The following WDFY4 variants were observed in gnomAD, a reference collection of about 807,000 sequenced individuals.
WDFY4 encodes the protein WD repeat- and FYVE domain-containing protein 4.
In WDFY4, 169 loss-of-function variants were observed where a neutral mutation model predicts 351.9. The observed-to-expected ratio is 0.48, with a 90% CI of 0.42 to 0.55. The LOEUF (loss-of-function observed/expected upper bound fraction) is 0.55. Ranked by LOEUF, WDFY4 falls within the 20% of genes least tolerant of loss-of-function variation. The pLI is 0.00. For synonymous variants in WDFY4, 1,622 were observed against 1,574.6 expected, an observed-to-expected ratio of 1.03 and a Z score of -0.71; for missense variants, 3,803 against 3,935.6, an observed-to-expected ratio of 0.97 and a Z score of 0.90.
At chr10:48,775,242 G>A (rs1302867792) in intron 14 of WDFY4, among the ~76,000 whole-genome samples, 1 of 152,160 alleles carries the variant, frequency 6.6e-6, no homozygotes, top group Non-Finnish European at 1.5e-5. Context: ...GGAAGCTACT[G>A]GGGAGGGCAG....
intron 47 of WDFY4, among the ~76,000 whole-genome samples, chr10:48,924,784 T>C (rs1303347567): frequency 6.6e-6 from 1 of 152,246 alleles, no homozygotes; most frequent in Non-Finnish European, 1.5e-5. Context: ...CATCCAAATA[T>C]TTGCAAGCAT....
intron 12 of WDFY4, among the ~76,000 whole-genome samples, chr10:48,754,742 T>C (rs1442360747): frequency 6.6e-6 from 1 of 152,052 alleles, no homozygotes; most frequent in Non-Finnish European, 1.5e-5. Context: ...GCCTGGAAAA[T>C]AATAAAAGGT....
At chr10:48,973,014 T>C (rs1002393581) in intron 57 of WDFY4, among the ~76,000 whole-genome samples, 2 of 152,230 alleles carry the variant, frequency 1.3e-5, no homozygotes, top group Admixed American at 6.5e-5. Context: ...GGATGCCTTG[T>C]GGTGCTGGAG....
intron 47 of WDFY4, among the ~76,000 whole-genome samples, chr10:48,921,848 G>A (rs970922350): frequency 6.6e-6 from 1 of 152,124 alleles, no homozygotes; most frequent in Non-Finnish European, 1.5e-5. Flanking sequence ...TGCAACTAGA[G>A]TTCTCATTCC....
At chr10:48,820,759 G>A (rs943940162) in intron 33 of WDFY4, among the ~76,000 whole-genome samples, 33 of 152,138 alleles carry the variant, frequency 2.2e-4, no homozygotes, top group African/African-American at 7.7e-4. Context: ...GCTGGAGCCT[G>A]GCCCAAGGGG....
rs148810504 is a variant in WDFY4 at position 48,710,751 on chromosome 10, G to T, written c.234+785G>T. On this transcript the variant is annotated intron_variant, in intron 2 of 61. Transcript: ENST00000325239. Reference sequence around the variant, plus strand: ...CAAAGTGAGGTAAAATCAGTGGAAAGCACCAGAGCTTCACTCACATCCCGG... The same window carrying T: ...CAAAGTGAGGTAAAATCAGTGGAAATCACCAGAGCTTCACTCACATCCCGG... Among the ~76,000 whole-genome samples, 178 of 152,308 alleles carry T rather than the reference G, an allele frequency of 1.2e-3. 7 individuals carry two copies. The East Asian group carries it at 0.033, about 28-fold the overall frequency.
At chr10:48,791,117 C>T (rs1043312717) in intron 23 of WDFY4, among the ~76,000 whole-genome samples, 200 bp downstream of exon 23, 8 of 152,262 alleles carry the variant, frequency 5.3e-5, no homozygotes, top group Admixed American at 5.2e-4. Context: ...GAGCTCTGCT[C>T]AGGATGAGGA....
intron 42 of WDFY4, among the ~76,000 whole-genome samples, chr10:48,875,554 A>G (rs2069964337): frequency 6.6e-6 from 1 of 152,182 alleles, no homozygotes; most frequent in Non-Finnish European, 1.5e-5. Context: ...AGCTGGGACT[A>G]CAGGTACACA....
intron 18 of WDFY4, 35 bp from the exon 19 acceptor site, chr10:48,779,906 C>A: frequency 6.5e-7 from 1 of 1,549,626 alleles, no homozygotes; most frequent in South Asian, 1.2e-5. Context: ...AGTGTAGCAC[C>A]ACACGTGAGA....
At chr10:48,762,535 C>A (rs1400982348) in intron 13 of WDFY4, among the ~76,000 whole-genome samples, 1 of 152,224 alleles carries the variant, frequency 6.6e-6, no homozygotes, top group Non-Finnish European at 1.5e-5. Flanking sequence ...TTCAGAAGGG[C>A]ACAACAGGCA....
At chr10:48,888,099 G>T (rs1016079524) in intron 43 of WDFY4, among the ~76,000 whole-genome samples, 1 of 152,232 alleles carries the variant, frequency 6.6e-6, no homozygotes, top group Non-Finnish European at 1.5e-5. Context: ...ACATGCTAAT[G>T]TATTCATACA....
chr10:48,832,296 G>C (rs1468905640), intron 38 of WDFY4, among the ~76,000 whole-genome samples: 1 of 152,240 alleles, frequency 6.6e-6, no homozygotes, highest in African/African-American at 2.4e-5. Context: ...CTGAGGCTCA[G>C]CAACTTTAGT....
At chr10:48,898,065 G>A (rs1437735749) in intron 45 of WDFY4, among the ~76,000 whole-genome samples, 1 of 152,070 alleles carries the variant, frequency 6.6e-6, no homozygotes, top group Non-Finnish European at 1.5e-5. Context: ...GGGCCAAGTG[G>A]TTTAGGGATC....
intron 12 of WDFY4, among the ~76,000 whole-genome samples, chr10:48,752,457 T>C (rs1444530305): frequency 6.6e-6 from 1 of 152,258 alleles, no homozygotes; most frequent in Non-Finnish European, 1.5e-5. Context: ...TAGAATTTAA[T>C]GCATTCACAG....
intron 12 of WDFY4, among the ~76,000 whole-genome samples, chr10:48,744,968 T>A (rs937682731): frequency 1.3e-5 from 2 of 152,214 alleles, no homozygotes; most frequent in Non-Finnish European, 2.9e-5. Context: ...TGTTTACTTT[T>A]CAGTGTGCCC....
At position 48,974,527 on chromosome 10, in the gene WDFY4, A is replaced by AAAAAAAAAAAAAAAAAAAAAAAAAAAC; in HGVS notation, c.8929-333_8929-332insAAAAAAAAAAAAAAAAAAAAAAAACAA. Among the ~76,000 whole-genome samples, 10 of 23,194 alleles carry AAAAAAAAAAAAAAAAAAAAAAAAAAAC rather than the reference A, an allele frequency of 4.3e-4. 2 individuals are homozygous for AAAAAAAAAAAAAAAAAAAAAAAAAAAC. The highest frequency in any genetic ancestry group is 6.5e-4 in the African/African-American group (9 of 13,806). 15.2% of individuals were successfully genotyped at this position (23,194 alleles called of 152,430 possible). The stretch of plus-strand genomic sequence containing the variant: ...CAAAAAAAAAAAAAAAAAAAAAAAA[A>AAAAAAAAAAAAAAAAAAAAAAAAAAAC]AACAACTCATGACATGAACTGCTCC... On this transcript the variant is annotated intron_variant, in intron 57 of 61. Coordinates refer to ENST00000325239, the MANE Select transcript of WDFY4 (RefSeq NM_001394531.1).
rs558450489 is a variant in WDFY4, at chr10:48,970,380, G to A, written c.8928+91G>A. ...TCTGCCTGGCATGGCACCTGGGCAG[G>A]TGTGGTGCCGGAACACACCCTAACT... is the stretch of plus-strand genomic sequence containing the variant. On this transcript the variant is annotated intron_variant, in intron 57 of 61. Coordinates refer to ENST00000325239, the MANE Select transcript of WDFY4 (RefSeq NM_001394531.1). 13 of 1,480,060 alleles carry A rather than the reference G, an allele frequency of 8.8e-6. No homozygotes were observed. In the African/African-American group the frequency reaches 1.2e-4, roughly 14 times the overall value. The allele number at this position is 1,480,060 out of a possible 1,614,324, so 91.7% of individuals were successfully genotyped here. A position where few individuals can be genotyped will look rare whatever the true frequency, so the allele number is the denominator to read the frequency against.
At chr10:48,742,397 C>T (rs1366590042) in intron 11 of WDFY4, among the ~76,000 whole-genome samples, 1 of 152,188 alleles carries the variant, frequency 6.6e-6, no homozygotes, top group African/African-American at 2.4e-5. Flanking sequence ...CCGATGAAGC[C>T]GTGCTTGCAC....
At chr10:48,760,310 G>C (rs761157621) in intron 12 of WDFY4, 37 bp from the exon 13 acceptor site, 4 of 1,531,272 alleles carry the variant, frequency 2.6e-6, no homozygotes, top group Admixed American at 3.9e-5. Context: ...AAACTGGAAG[G>C]TCCGTGTCTC....
Sources: gnomAD v4.1 joint callset for allele counts (sites outside exome capture counted in the v4.1 genomes callset) on GRCh38, gnomAD v4.1.1 for gene constraint, MANE v1.5 for transcripts, NCBI Gene and HGNC (gene_info 2026-07-23, HGNC 2026-07-21) for gene names.